HIPK2: variants seen among roughly 807,000 people sequenced by gnomAD.
The protein encoded by HIPK2 is homeodomain-interacting protein kinase 2.
HIPK2 carries 27 observed loss-of-function variants against 113.7 expected under a neutral mutation model. That is an observed-to-expected ratio of 0.24 (90% CI 0.17 to 0.33). The LOEUF (loss-of-function observed/expected upper bound fraction) is 0.33, where lower values mean the gene tolerates loss of function less well. HIPK2 is among the 10% of genes least tolerant of loss of function. The probability of loss-of-function intolerance (pLI) is 1.00; values close to 1 mark genes in which losing one functional copy is unlikely to be tolerated. For missense variants in HIPK2, 1,257 were observed against 1,588.0 expected (o/e 0.79, Z 3.54); for synonymous variants, 631 against 642.2 (o/e 0.98, Z 0.26).
chr7:139,740,408 G>A (rs926964058), intron 1 of HIPK2, among the ~76,000 whole-genome samples: 3 of 152,340 alleles, frequency 2.0e-5, no homozygotes, highest in Admixed American at 6.5e-5. Context: ...ATGAAGAGGC[G>A]CTCTGTGCAA....
intron 2 of HIPK2, among the ~76,000 whole-genome samples, chr7:139,670,739 CTTTCTTTCTTTCTTTCTTTCT>C (rs1802238362): frequency 1.3e-5 from 1 of 75,524 alleles, no homozygotes; most frequent in South Asian, 7.8e-4. Flanking sequence ...TCTTTTCTTT[CTTTCTTTCTTTCTTTCTTTCT>C]TTTTTTTTTT....
intron 2 of HIPK2, among the ~76,000 whole-genome samples, chr7:139,649,056 A>G (rs1470177881): frequency 1.4e-5 from 2 of 144,034 alleles, no homozygotes; most frequent in East Asian, 4.1e-4. Context: ...GAAGTTCAGA[A>G]AAAGGTCAGA....
At chr7:139,661,467 C>T (rs1200363440) in intron 2 of HIPK2, among the ~76,000 whole-genome samples, 2 of 152,194 alleles carry the variant, frequency 1.3e-5, no homozygotes, top group African/African-American at 2.4e-5. Context: ...AGACAGTGGT[C>T]ATGAACCTTG....
chr7:139,713,522 C>T (rs140800374), intron 2 of HIPK2, among the ~76,000 whole-genome samples: 1 of 152,248 alleles, frequency 6.6e-6, no homozygotes, highest in African/African-American at 2.4e-5. Flanking sequence ...TAAGAATCCC[C>T]AATTCAGCTT....
chr7:139,766,063 G>C (rs1260102572), intron 1 of HIPK2, among the ~76,000 whole-genome samples: 1 of 152,206 alleles, frequency 6.6e-6, no homozygotes, highest in Non-Finnish European at 1.5e-5. Flanking sequence ...TCTCATCTAG[G>C]AGGGATGAGG....
At chr7:139,624,121 C>A (rs1396337427) in intron 6 of HIPK2, among the ~76,000 whole-genome samples, 1 of 151,708 alleles carries the variant, frequency 6.6e-6, no homozygotes, top group East Asian at 1.9e-4. Context: ...CTCCTGGGTT[C>A]AAGCGATTCT....
chr7:139,593,946 C>T (rs1389177896), intron 12 of HIPK2, among the ~76,000 whole-genome samples: 2 of 152,134 alleles, frequency 1.3e-5, no homozygotes, highest in East Asian at 3.9e-4. Flanking sequence ...TGATGCTTCC[C>T]CTTGAGCCCC....
At chr7:139,760,779 C>A (rs936589196) in intron 1 of HIPK2, among the ~76,000 whole-genome samples, 1 of 152,158 alleles carries the variant, frequency 6.6e-6, no homozygotes, top group Non-Finnish European at 1.5e-5. Context: ...CACTGAAGTT[C>A]TCTAGAAACA....
intron 1 of HIPK2, among the ~76,000 whole-genome samples, chr7:139,726,451 G>A (rs1014070903): frequency 2.0e-5 from 3 of 152,236 alleles, no homozygotes; most frequent in South Asian, 2.1e-4. Flanking sequence ...GGGGCTCCAC[G>A]AGTGAGAAGG....
At position 139,677,989 on chromosome 7, in the gene HIPK2, CAT is replaced by C. The variant is rs1162444970; in HGVS notation, c.1103+37941_1103+37942del. On this transcript the variant is annotated intron_variant, in intron 2 of 14. Coordinates refer to ENST00000406875, the MANE Select transcript of HIPK2 (RefSeq NM_022740.5). Reference sequence around the variant, plus strand: ...TGACCAGTGATGATGAGCTTTTTTTCATATGTTTGTTGGCTGCATAGATGTCT... The same window carrying C: ...TGACCAGTGATGATGAGCTTTTTTTCATGTTTGTTGGCTGCATAGATGTCT... Among the ~76,000 whole-genome samples the C allele has an allele frequency of 2.0e-5, 3 of 152,124 alleles. No homozygotes were observed. The East Asian group carries it at 5.8e-4, about 29-fold the overall frequency.
intron 1 of HIPK2, among the ~76,000 whole-genome samples, chr7:139,744,691 AGGAC>A (rs1796161233): frequency 6.6e-6 from 1 of 152,214 alleles, no homozygotes; most frequent in Non-Finnish European, 1.5e-5. Context: ...AGGAAACTTG[AGGAC>A]TGGTGAAAAG....
chr7:139,703,799 CCCACACCCCACACACT>C, intron 2 of HIPK2, among the ~76,000 whole-genome samples: 1 of 121,064 alleles, frequency 8.3e-6, no homozygotes, highest in African/African-American at 2.8e-5. Context: ...ACACACACAC[CCCACACCCCACACACT>C]ACACCCAACA....
chr7:139,630,382 G>T lies in HIPK2; in HGVS notation c.1347+783C>A, dbSNP rs138428006. Among the ~76,000 whole-genome samples the T allele has an allele frequency of 7.9e-5, 12 of 152,076 alleles. No individual in the cohort carries two copies. The highest frequency in any genetic ancestry group is 1.5e-4 in the Non-Finnish European group (10 of 67,970). On this transcript the variant is annotated intron_variant, in intron 4 of 14. Transcript: ENST00000406875. This position sits in a 1 kb window ranked among gnomAD's most constrained non-coding sequence, Gnocchi z 4.0. Reference sequence around the variant, plus strand: ...GCCGCCACCCCACACTTCTATACTGGGCAAACCCGCTTCATTCTTCCTTTT... The same window carrying T: ...GCCGCCACCCCACACTTCTATACTGTGCAAACCCGCTTCATTCTTCCTTTT...
At chr7:139,671,719 T>A (rs1271469947) in intron 2 of HIPK2, among the ~76,000 whole-genome samples, 1 of 152,114 alleles carries the variant, frequency 6.6e-6, no homozygotes, top group Non-Finnish European at 1.5e-5. Context: ...CCAGCTAATT[T>A]TTTTGCATTT....
chr7:139,775,918 G>A (rs1029541512), intron 1 of HIPK2, among the ~76,000 whole-genome samples: 5 of 152,162 alleles, frequency 3.3e-5, no homozygotes, highest in African/African-American at 1.2e-4. Context: ...GAAACCAGCC[G>A]TTTACTATAG....
chr7:139,756,966 T>C (rs1445392123), intron 1 of HIPK2, among the ~76,000 whole-genome samples: 1 of 152,236 alleles, frequency 6.6e-6, no homozygotes, highest in Admixed American at 6.5e-5. Context: ...CTAGAACTTG[T>C]AAAATACATA....
chr7:139,765,024 T>G (rs1796530118), intron 1 of HIPK2, among the ~76,000 whole-genome samples: 1 of 151,656 alleles, frequency 6.6e-6, no homozygotes. Context: ...TAATCCCAGC[T>G]AATCAGGAAG....
intron 1 of HIPK2, among the ~76,000 whole-genome samples, chr7:139,728,131 C>CG (rs1255845567): frequency 6.6e-6 from 1 of 151,494 alleles, no homozygotes; most frequent in Non-Finnish European, 1.5e-5. Context: ...TTTATAGAGA[C>CG]GGGGTCTCCC....
intron 1 of HIPK2, among the ~76,000 whole-genome samples, chr7:139,758,973 T>C (rs1282250094): frequency 6.6e-6 from 1 of 151,886 alleles, no homozygotes; most frequent in African/African-American, 2.4e-5. Flanking sequence ...CTACATAAAA[T>C]GAAAGAGACT....
Sources: allele counts gnomAD v4.1 joint callset (sites outside exome capture counted in the v4.1 genomes callset), GRCh38; gene constraint gnomAD v4.1.1; non-coding constraint Gnocchi (gnomAD v3.1); transcripts MANE v1.5; gene names NCBI Gene and HGNC (gene_info 2026-07-23, HGNC 2026-07-21).